AHI1: variants seen among roughly 807,000 people sequenced by gnomAD.
The protein encoded by AHI1 is jouberin.
Under a neutral mutation model 149.3 loss-of-function variants are expected in AHI1, and 123 were observed. The observed-to-expected ratio is 0.82, with a 90% confidence interval of 0.71 to 0.96. AHI1 has a LOEUF of 0.96. AHI1 is among the 40% of genes least tolerant of loss of function. The pLI is 0.00. For synonymous variants in AHI1, 475 were observed against 459.8 expected (o/e 1.03, Z -0.42); for missense variants, 1,439 against 1,422.7 (o/e 1.01, Z -0.18).
At chr6:135,480,457 T>TAA (rs879595836) in intron 5 of AHI1, among the ~76,000 whole-genome samples, 2 of 145,520 alleles carry the variant, frequency 1.4e-5, no homozygotes, top group African/African-American at 5.0e-5. Flanking sequence ...GACCCTGTCT[T>TAA]AAAAAAAAAA....
At chr6:135,445,643 G>A (rs1787058931) in intron 13 of AHI1, among the ~76,000 whole-genome samples, 1 of 152,116 alleles carries the variant, frequency 6.6e-6, no homozygotes, top group South Asian at 2.1e-4. Flanking sequence ...CAGAATCATA[G>A]CTCACTGCAG....
chr6:135,487,727 G>A (rs565113827), intron 5 of AHI1, among the ~76,000 whole-genome samples: 2 of 152,102 alleles, frequency 1.3e-5, no homozygotes, highest in East Asian at 1.9e-4. Flanking sequence ...ATTATTAACT[G>A]TAATTTCCCT....
chr6:135,306,263 G>A (rs879370763), intron 26 of AHI1, among the ~76,000 whole-genome samples: 1 of 152,118 alleles, frequency 6.6e-6, no homozygotes, highest in Admixed American at 6.5e-5. Context: ...ATGTGAGAAA[G>A]GAAAATGACC....
intron 24 of AHI1, among the ~76,000 whole-genome samples, chr6:135,345,749 C>T (rs1432742734): frequency 6.6e-6 from 1 of 152,020 alleles, no homozygotes; most frequent in Non-Finnish European, 1.5e-5. Context: ...GGCTGCAAAA[C>T]TATAAATATA....
intron 5 of AHI1, among the ~76,000 whole-genome samples, chr6:135,476,562 T>G (rs1792679363): frequency 6.6e-6 from 1 of 152,174 alleles, no homozygotes; most frequent in Non-Finnish European, 1.5e-5. Context: ...TATCAATTTC[T>G]GAAAGAGGAT....
intron 8 of AHI1, among the ~76,000 whole-genome samples, chr6:135,458,533 G>A (rs1179442358): frequency 6.6e-6 from 1 of 152,162 alleles, no homozygotes; most frequent in Non-Finnish European, 1.5e-5. Context: ...AGGCAAAGGT[G>A]AAGCCCTGGA....
intron 25 of AHI1, 118 bp downstream of exon 25, chr6:135,323,044 C>G: frequency 9.4e-7 from 1 of 1,063,504 alleles, no homozygotes; most frequent in Non-Finnish European, 1.3e-6. Context: ...AAAACAATAC[C>G]CATTGGTAAA....
chr6:135,410,622 C>T (rs751464179), intron 21 of AHI1, among the ~76,000 whole-genome samples: 1 of 152,292 alleles, frequency 6.6e-6, no homozygotes, highest in Non-Finnish European at 1.5e-5. Flanking sequence ...AAAGTGTCAA[C>T]TTTCTCTTTT....
intron 23 of AHI1, among the ~76,000 whole-genome samples, chr6:135,369,918 C>A (rs536382475): frequency 1.1e-3 from 170 of 152,250 alleles, no homozygotes; most frequent in African/African-American, 3.8e-3. Flanking sequence ...CATCTTTGCA[C>A]TCCTTTTGCT....
intron 25 of AHI1, among the ~76,000 whole-genome samples, chr6:135,320,928 TA>T (rs1442010856): frequency 2.6e-5 from 4 of 152,188 alleles, no homozygotes; most frequent in Non-Finnish European, 5.9e-5. Flanking sequence ...GGAACTTGGC[TA>T]TTTTAGATGA....
At chr6:135,376,832 A>AGCTC (rs1554300109) in intron 23 of AHI1, among the ~76,000 whole-genome samples, 1 of 131,688 alleles carries the variant, frequency 7.6e-6, no homozygotes. Context: ...CAGTGAGCTG[A>AGCTC]GATCGCATCA....
At position 135,358,158 on chromosome 6, in the gene AHI1, T is replaced by C; in HGVS notation, c.3139A>G (p.Asn1047Asp). The C allele has an allele frequency of 6.2e-7, 1 of 1,613,302 alleles. No individual in the cohort carries two copies. The highest frequency in any genetic ancestry group is 8.5e-7 in the Non-Finnish European group (1 of 1,179,564). The change falls in exon 24 of 29, where the codon AAC (asparagine) becomes GAC (aspartate). Residue 1047 changes from asparagine to aspartate, a missense_variant. By Grantham distance (23) the Asn-to-Asp change is conservative. Transcript: ENST00000265602. Reference sequence around the variant, plus strand: ...GTTGGTGCTGTATCTACCTGATGGTTACAAGGCTTTCTTTCTATGCTGATA... The same window carrying C: ...GTTGGTGCTGTATCTACCTGATGGTCACAAGGCTTTCTTTCTATGCTGATA... Reference protein sequence around the residue: ...GIISIERKPCNHQVDTAPTVV... With the variant: ...GIISIERKPCDHQVDTAPTVV...
chr6:135,488,659 A>C (rs1438036752), intron 5 of AHI1, among the ~76,000 whole-genome samples: 1 of 152,148 alleles, frequency 6.6e-6, no homozygotes. Flanking sequence ...ATTGTGCCTT[A>C]TATATAACTG....
intron 24 of AHI1, among the ~76,000 whole-genome samples, chr6:135,353,345 T>G (rs970851791): frequency 2.0e-5 from 3 of 152,104 alleles, no homozygotes; most frequent in East Asian, 3.8e-4. Flanking sequence ...AGATTGGCCA[T>G]GGGTTCTATT....
intron 24 of AHI1, among the ~76,000 whole-genome samples, chr6:135,356,469 G>A (rs1365755156): frequency 2.6e-5 from 4 of 152,110 alleles, no homozygotes; most frequent in Non-Finnish European, 5.9e-5. Context: ...TCTATTTAGA[G>A]GTTATGGAGA....
In AHI1 at chr6:135,427,402, T is replaced by C. The variant is rs1003606624; in HGVS notation, c.2624-95A>G. 8 of 1,093,930 alleles carry C rather than the reference T, an allele frequency of 7.3e-6. No individual in the cohort carries two copies. In the African/African-American group the frequency reaches 1.3e-4, roughly 18 times the overall value. The allele number at this position is 1,093,930 out of a possible 1,614,324, so 67.8% of individuals were successfully genotyped here. A position where few individuals can be genotyped will look rare whatever the true frequency, so the allele number is the denominator to read the frequency against. ...TATTCTGCCATTTATTAGAAAATATTTATAGCAATGATGCTCACATTATTT... is the reference window on the plus strand; with the variant it reads ...TATTCTGCCATTTATTAGAAAATATCTATAGCAATGATGCTCACATTATTT... On this transcript the variant is annotated intron_variant, in intron 19 of 28. Transcript: ENST00000265602.
In AHI1 at chr6:135,472,564, G is replaced by A. The variant is rs114349515; in HGVS notation, c.136-4930C>T. On this transcript the variant is annotated intron_variant, in intron 5 of 28. Coordinates refer to ENST00000265602, the MANE Select transcript of AHI1 (RefSeq NM_001134831.2). ...CAGATATTTAACTTATTAAACAATT[G>A]CCAAACAGCTTCTCAAACTGGCTGT... 7.2e-3 allele frequency among the ~76,000 whole-genome samples: 1,097 copies of A among 152,276 alleles called. 18 individuals carry two copies. The highest frequency in any genetic ancestry group is 0.025 in the African/African-American group (1,044 of 41,548).
At chr6:135,407,365 TA>T (rs924355719) in intron 21 of AHI1, among the ~76,000 whole-genome samples, 9 of 152,320 alleles carry the variant, frequency 5.9e-5, no homozygotes, top group African/African-American at 2.2e-4. Flanking sequence ...TCAGTCAACC[TA>T]AATGTTTGCA....
intron 22 of AHI1, among the ~76,000 whole-genome samples, chr6:135,404,590 T>G (rs1041874378): frequency 6.6e-6 from 1 of 152,264 alleles, no homozygotes; most frequent in Non-Finnish European, 1.5e-5. Context: ...TTTCAATGCT[T>G]ATACAGTTTA....
Sources: gnomAD v4.1 joint callset for allele counts (sites outside exome capture counted in the v4.1 genomes callset) on GRCh38, gnomAD v4.1.1 for gene constraint, MANE v1.5 for transcripts, NCBI Gene and HGNC (gene_info 2026-07-23, HGNC 2026-07-21) for gene names.